UNC5D: variants seen among roughly 807,000 people sequenced by gnomAD.
UNC5D encodes the protein netrin receptor UNC5D.
Under a neutral mutation model 105.4 loss-of-function variants are expected in UNC5D, and 39 were observed. That is an observed-to-expected ratio of 0.37 (90% CI 0.29 to 0.48). The LOEUF (loss-of-function observed/expected upper bound fraction) is 0.48, where lower values mean the gene tolerates loss of function less well. Ranked by LOEUF, UNC5D falls within the 20% of genes least tolerant of loss-of-function variation. The pLI is 0.98. For synonymous variants in UNC5D, 452 were observed against 450.4 expected (o/e 1.00, Z -0.04); for missense variants, 991 against 1,202.4 (o/e 0.82, Z 2.60).
intron 7 of UNC5D, among the ~76,000 whole-genome samples, chr8:35,690,922 C>T (rs1586446366): frequency 1.3e-5 from 2 of 152,182 alleles, no homozygotes; most frequent in East Asian, 1.9e-4. Context: ...AAAGCAATTC[C>T]TCAATTTCCA....
chr8:35,285,925 T>C (rs2128855844), intron 1 of UNC5D, among the ~76,000 whole-genome samples: 1 of 152,308 alleles, frequency 6.6e-6, no homozygotes, highest in African/African-American at 2.4e-5. Flanking sequence ...GACAGTATAA[T>C]CTTAAAAAAT....
intron 1 of UNC5D, among the ~76,000 whole-genome samples, chr8:35,426,035 GC>G (rs1806228394): frequency 6.6e-6 from 1 of 151,956 alleles, no homozygotes; most frequent in Admixed American, 6.6e-5. Flanking sequence ...ACCTAAGGCG[GC>G]CCATTTCATG....
At chr8:35,746,651 A>G (rs17357035) in intron 11 of UNC5D, among the ~76,000 whole-genome samples, 3,854 of 152,300 alleles carry the variant, frequency 0.025, 57 homozygotes, top group Non-Finnish European at 0.039. Context: ...AACGAGTGTG[A>G]GAGTTCATCT....
At chr8:35,740,545 G>A (rs1364690363) in intron 11 of UNC5D, among the ~76,000 whole-genome samples, 2 of 152,184 alleles carry the variant, frequency 1.3e-5, no homozygotes, top group Non-Finnish European at 2.9e-5. Flanking sequence ...TGCTGTGACA[G>A]TAATGGGAAG....
At chr8:35,667,854 A>C (rs775690488) in intron 4 of UNC5D, among the ~76,000 whole-genome samples, 2 of 152,178 alleles carry the variant, frequency 1.3e-5, no homozygotes, top group African/African-American at 2.4e-5. Flanking sequence ...TAATCGATTG[A>C]AGAACATTTG....
At position 35,512,539 on chromosome 8, in the gene UNC5D, GTATATATATATATA is replaced by G. The variant is rs71215633; in HGVS notation, c.104-36735_104-36722del. On this transcript the variant is annotated intron_variant, in intron 1 of 16. Transcript: ENST00000404895. ...ATAGATTATATATTCAGATATGTAT[GTATATATATATATA>G]TATATATATATATATATCTGAATAG... Among the ~76,000 whole-genome samples, 53 of 40,278 alleles carry G rather than the reference GTATATATATATATA, an allele frequency of 1.3e-3. 1 individual carries two copies. Among genetic ancestry groups the G allele is most frequent in the Admixed American group, 0.011 (33 of 2,968 alleles). 26.4% of individuals were successfully genotyped at this position (40,278 alleles called of 152,430 possible). A position where few individuals can be genotyped will look rare whatever the true frequency, so the allele number is the denominator to read the frequency against.
At chr8:35,583,452 G>A (rs1282121486) in intron 3 of UNC5D, among the ~76,000 whole-genome samples, 15 of 152,098 alleles carry the variant, frequency 9.9e-5, no homozygotes, top group Admixed American at 8.5e-4. Context: ...GAACTGAGCA[G>A]CCTAAGTGCA....
chr8:35,392,219 T>G (rs904683617), intron 1 of UNC5D, among the ~76,000 whole-genome samples: 2 of 152,124 alleles, frequency 1.3e-5, no homozygotes, highest in Non-Finnish European at 2.9e-5. Context: ...CTCCCTCCAC[T>G]TTTCGTTTGA....
At chr8:35,282,983 C>T (rs1244574889) in intron 1 of UNC5D, among the ~76,000 whole-genome samples, 1 of 152,144 alleles carries the variant, frequency 6.6e-6, no homozygotes, top group Non-Finnish European at 1.5e-5. Context: ...TTGACTAACA[C>T]TTTCAATGTT....
Position 35,790,587 on chromosome 8 carries a change from G to A in UNC5D, c.*24G>A, listed in dbSNP as rs746273581. The A allele has an allele frequency of 1.2e-6, 2 of 1,612,744 alleles. No homozygotes were observed. Among genetic ancestry groups the A allele is most frequent in the South Asian group, 2.2e-5 (2 of 91,008 alleles). Reference sequence around the variant, plus strand: ...AGTCCACTTCCTCCCATGAGACAGAGTGATGGCCAGCTTGGGGACATTTGC... The same window carrying A: ...AGTCCACTTCCTCCCATGAGACAGAATGATGGCCAGCTTGGGGACATTTGC... On this transcript the variant is annotated 3_prime_UTR_variant, in exon 17 of 17. Transcript: ENST00000404895.
chr8:35,705,199 C>G (rs1029130159), intron 7 of UNC5D, among the ~76,000 whole-genome samples: 4 of 152,088 alleles, frequency 2.6e-5, no homozygotes, highest in African/African-American at 9.7e-5. Flanking sequence ...CTCCTGACCT[C>G]GTGATCCGCC....
At chr8:35,709,051 T>A (rs931450458) in intron 8 of UNC5D, among the ~76,000 whole-genome samples, 1 of 151,954 alleles carries the variant, frequency 6.6e-6, no homozygotes. Context: ...CAACAATTCA[T>A]CACAATCTGA....
At chr8:35,340,284 A>T (rs1811368532) in intron 1 of UNC5D, among the ~76,000 whole-genome samples, 1 of 152,186 alleles carries the variant, frequency 6.6e-6, no homozygotes, top group African/African-American at 2.4e-5. Context: ...CTGTAAACAG[A>T]CATATTCCTG....
intron 1 of UNC5D, among the ~76,000 whole-genome samples, chr8:35,330,300 A>C (rs935575328): frequency 1.3e-5 from 2 of 152,194 alleles, no homozygotes; most frequent in South Asian, 2.1e-4. Flanking sequence ...TTGTAATTGG[A>C]AGATAAAGAT....
At chr8:35,256,846 G>A (rs1448348948) in intron 1 of UNC5D, among the ~76,000 whole-genome samples, 1 of 151,800 alleles carries the variant, frequency 6.6e-6, no homozygotes, top group Non-Finnish European at 1.5e-5. Context: ...GTTTTCCAAA[G>A]TAGCTATTCC....
At chr8:35,533,654 C>CGA (rs1814589119) in intron 1 of UNC5D, among the ~76,000 whole-genome samples, 1 of 152,208 alleles carries the variant, frequency 6.6e-6, no homozygotes, top group Non-Finnish European at 1.5e-5. Flanking sequence ...GCCTCGCTGC[C>CGA]ACCTTGCAGT....
intron 1 of UNC5D, among the ~76,000 whole-genome samples, chr8:35,248,117 T>A: frequency 1.4e-5 from 1 of 71,276 alleles, no homozygotes; most frequent in Non-Finnish European, 2.3e-5. Context: ...ATAAAAAATA[T>A]AATATATAAA....
At chr8:35,596,099 G>C (rs1396195104) in intron 4 of UNC5D, among the ~76,000 whole-genome samples, 1 of 152,098 alleles carries the variant, frequency 6.6e-6, no homozygotes, top group Non-Finnish European at 1.5e-5. Flanking sequence ...CTTTTTTGTG[G>C]AACAAGCATT....
At chr8:35,704,170 T>C (rs1827384302) in intron 7 of UNC5D, among the ~76,000 whole-genome samples, 1 of 152,218 alleles carries the variant, frequency 6.6e-6, no homozygotes, top group South Asian at 2.1e-4. Context: ...CTTTACCTCT[T>C]ACTTTGCCTT....
Sources: allele counts gnomAD v4.1 joint callset (sites outside exome capture counted in the v4.1 genomes callset), GRCh38; gene constraint gnomAD v4.1.1; transcripts MANE v1.5; gene names NCBI Gene and HGNC (gene_info 2026-07-23, HGNC 2026-07-21).